The following BMPR2 variants were observed in gnomAD, a reference collection of about 807,000 sequenced individuals.
BMPR2 encodes the protein bone morphogenetic protein receptor type-2.
Under a neutral mutation model 100.8 loss-of-function variants are expected in BMPR2, and 29 were observed. That is an observed-to-expected ratio of 0.29 (90% CI 0.21 to 0.39). The LOEUF (loss-of-function observed/expected upper bound fraction) is 0.39, where lower values mean the gene tolerates loss of function less well. Among genes scored for constraint, BMPR2 ranks in the 10% least tolerant of loss-of-function variants. The pLI, the probability that BMPR2 is intolerant of heterozygous loss-of-function variation, is 1.00. For missense variants in BMPR2, 1,011 were observed against 1,274.5 expected, an observed-to-expected ratio of 0.79 and a Z score of 3.15; for synonymous variants, 382 against 442.3, an observed-to-expected ratio of 0.86 and a Z score of 1.71.
intron 1 of BMPR2, among the ~76,000 whole-genome samples, chr2:202,388,115 T>G (rs764460791): frequency 2.0e-5 from 3 of 151,988 alleles, no homozygotes; most frequent in African/African-American, 4.8e-5. Flanking sequence ...AATCATTGTT[T>G]GGCTGTCACG....
At chr2:202,391,695 C>T (rs1474912635) in intron 1 of BMPR2, among the ~76,000 whole-genome samples, 1 of 150,646 alleles carries the variant, frequency 6.6e-6, no homozygotes, top group Non-Finnish European at 1.5e-5. Context: ...AGGCCATCCT[C>T]TCACCTCAGC....
At chr2:202,380,965 CTTTTTTTTTTT>C (rs1159400445) in intron 1 of BMPR2, among the ~76,000 whole-genome samples, 261 of 70,780 alleles carry the variant, frequency 3.7e-3, no homozygotes, top group East Asian at 0.027. Context: ...TTCTTTCTTT[CTTTTTTTTTTT>C]TTTTTTTTTT....
rs148949823 is a variant in BMPR2 at position 202,434,244 on chromosome 2, T to C, written c.77-30565T>C. 6.6e-3 allele frequency among the ~76,000 whole-genome samples: 990 copies of C among 150,520 alleles called. 110 individuals are homozygous for C. Among genetic ancestry groups the C allele is most frequent in the African/African-American group, 0.024 (947 of 39,916 alleles). On this transcript the variant is annotated intron_variant, in intron 1 of 12. Transcript: ENST00000374580. ...CATTTCTTGAAAAAATTAAAACAGATGAAACATGTCTTTACCAATATATCC... is the reference window on the plus strand; with the variant it reads ...CATTTCTTGAAAAAATTAAAACAGACGAAACATGTCTTTACCAATATATCC...
At position 202,549,672 on chromosome 2, in the gene BMPR2, A is replaced by T. The variant is rs536400735; in HGVS notation, c.1414-3044A>T. Among the ~76,000 whole-genome samples, 11 of 151,136 alleles carry T rather than the reference A, an allele frequency of 7.3e-5. No individual in the cohort carries two copies. In the South Asian group the frequency reaches 2.3e-3, roughly 32 times the overall value. Reference sequence around the variant, plus strand: ...TGAGGCTTGAGAATCGTTTGAATCCAGGAGGCAGAGGCTGCCGTGAGCTGA... The same window carrying T: ...TGAGGCTTGAGAATCGTTTGAATCCTGGAGGCAGAGGCTGCCGTGAGCTGA... On this transcript the variant is annotated intron_variant, in intron 10 of 12. Transcript: ENST00000374580.
intron 7 of BMPR2, among the ~76,000 whole-genome samples, chr2:202,521,203 T>C (rs1687812850): frequency 6.6e-6 from 1 of 152,208 alleles, no homozygotes; most frequent in African/African-American, 2.4e-5. Flanking sequence ...ATAATTTGTC[T>C]ATGATGTACT....
intron 3 of BMPR2, among the ~76,000 whole-genome samples, chr2:202,509,904 C>A (rs1687589147): frequency 6.6e-6 from 1 of 151,940 alleles, no homozygotes; most frequent in Admixed American, 6.6e-5. Flanking sequence ...TAACTCATTT[C>A]CAGAGACAGT....
rs1471568338 is a variant in BMPR2, at chr2:202,495,027, G to T, written c.419-18692G>T. Reference sequence around the variant, plus strand: ...ACCATACAGACAGGTAGGCTGTGGGGCTCCGACCTCACAACAGTGTCTAGG... The same window carrying T: ...ACCATACAGACAGGTAGGCTGTGGGTCTCCGACCTCACAACAGTGTCTAGG... On this transcript the variant is annotated intron_variant, in intron 3 of 12. Transcript: ENST00000374580. This position sits in a 1 kb window ranked among gnomAD's most constrained non-coding sequence, Gnocchi z 4.5. Among the ~76,000 whole-genome samples, 1 of 152,214 alleles carries T rather than the reference G, an allele frequency of 6.6e-6. No homozygotes were observed. The highest frequency in any genetic ancestry group is 1.5e-5 in the Non-Finnish European group (1 of 68,032).
chr2:202,387,058 A>G (rs1414209064), intron 1 of BMPR2, among the ~76,000 whole-genome samples: 1 of 152,178 alleles, frequency 6.6e-6, no homozygotes, highest in Non-Finnish European at 1.5e-5. Flanking sequence ...ATTCAGAATA[A>G]TAGTCACAGT....
At chr2:202,552,934 T>A in intron 11 of BMPR2, 46 bp downstream of exon 11, 1 of 1,604,802 alleles carries the variant, frequency 6.2e-7, no homozygotes, top group Non-Finnish European at 8.5e-7. Flanking sequence ...TATTAGAAAC[T>A]GAGACCCAAC....
intron 1 of BMPR2, among the ~76,000 whole-genome samples, chr2:202,434,879 C>CAAAAAAAAA (rs1172617261): frequency 2.0e-5 from 1 of 48,924 alleles, no homozygotes. Flanking sequence ...GACTCTGTCT[C>CAAAAAAAAA]AAAAAAAAAA....
chr2:202,382,565 T>G lies in BMPR2; in HGVS notation c.76+5015T>G, dbSNP rs569122865. ...CCAGAGGACAGTATTCATGTCTGAT[T>G]AGTTTTATAATTTAGTAGACATTTA... On this transcript the variant is annotated intron_variant, in intron 1 of 12. Coordinates refer to ENST00000374580, the MANE Select transcript of BMPR2 (RefSeq NM_001204.7). Among the ~76,000 whole-genome samples the G allele has an allele frequency of 6.6e-5, 10 of 152,346 alleles. No individual in the cohort carries two copies. The South Asian group carries it at 1.7e-3, about 25-fold the overall frequency.
intron 1 of BMPR2, among the ~76,000 whole-genome samples, chr2:202,404,935 C>T (rs1381411206): frequency 6.6e-6 from 1 of 151,972 alleles, no homozygotes; most frequent in Non-Finnish European, 1.5e-5. Context: ...GCAATCCTCC[C>T]ACCTCAGCCT....
intron 3 of BMPR2, among the ~76,000 whole-genome samples, chr2:202,473,477 A>T (rs1378548697): frequency 6.6e-6 from 1 of 152,078 alleles, no homozygotes; most frequent in African/African-American, 2.4e-5. Flanking sequence ...TAAAAATTTT[A>T]ACAAAAACAC....
intron 10 of BMPR2, among the ~76,000 whole-genome samples, chr2:202,549,726 G>A (rs1199754517): frequency 2.9e-5 from 4 of 138,894 alleles, no homozygotes; most frequent in African/African-American, 2.7e-5. Flanking sequence ...CAGCCTGGGC[G>A]ACAGAGCAAG....
At chr2:202,380,885 C>T (rs1047405258) in intron 1 of BMPR2, among the ~76,000 whole-genome samples, 2 of 150,242 alleles carry the variant, frequency 1.3e-5, no homozygotes, top group Non-Finnish European at 3.0e-5. Context: ...TCCCAAAATG[C>T]TGGGATTATA....
chr2:202,428,077 CT>C (rs913082194), intron 1 of BMPR2, among the ~76,000 whole-genome samples: 24 of 152,168 alleles, frequency 1.6e-4, no homozygotes, highest in Admixed American at 6.5e-4. Context: ...GTAATTTCCC[CT>C]AGGGGTAACT....
intron 3 of BMPR2, among the ~76,000 whole-genome samples, chr2:202,492,163 T>C (rs1055293391): frequency 2.6e-5 from 4 of 152,042 alleles, no homozygotes; most frequent in Non-Finnish European, 5.9e-5. Flanking sequence ...GAAGTCAGAA[T>C]AGTGACTATT....
In BMPR2 at chr2:202,434,933, A is replaced by G. The variant is rs187898837; in HGVS notation, c.77-29876A>G. Among the ~76,000 whole-genome samples the G allele has an allele frequency of 4.9e-5, 4 of 82,024 alleles. 1 individual carries two copies. The highest frequency in any genetic ancestry group is 1.5e-4 in the African/African-American group (3 of 19,744). The allele number at this position is 82,024 out of a possible 152,430, so 53.8% of individuals were successfully genotyped here. Reference sequence around the variant, plus strand: ...AATATATATATATATATATATATATATATTTATTTATTTATTTACGTCTAT... The same window carrying G: ...AATATATATATATATATATATATATGTATTTATTTATTTATTTACGTCTAT... On this transcript the variant is annotated intron_variant, in intron 1 of 12. Coordinates refer to ENST00000374580, the MANE Select transcript of BMPR2 (RefSeq NM_001204.7).
chr2:202,507,593 C>T (rs1687545437), intron 3 of BMPR2, among the ~76,000 whole-genome samples: 1 of 151,992 alleles, frequency 6.6e-6, no homozygotes, highest in Admixed American at 6.6e-5. Flanking sequence ...CTTGCTCTAT[C>T]ACCCAGGCTG....
Sources: gnomAD v4.1 joint callset for allele counts (sites outside exome capture counted in the v4.1 genomes callset) on GRCh38, gnomAD v4.1.1 for gene constraint, Gnocchi (gnomAD v3.1) non-coding constraint, MANE v1.5 for transcripts, NCBI Gene and HGNC (gene_info 2026-07-23, HGNC 2026-07-21) for gene names.